Variants in VCL observed in about 807,000 individuals in gnomAD.
VCL encodes the protein epididymis luminal protein 114.
A neutral mutation model predicts 125.7 loss-of-function variants in VCL; 47 were observed. That is an observed-to-expected ratio of 0.37 (90% CI 0.30 to 0.48). The LOEUF (loss-of-function observed/expected upper bound fraction) is 0.48, where lower values mean the gene tolerates loss of function less well. Ranked by LOEUF, VCL falls within the 20% of genes least tolerant of loss-of-function variation. The probability of loss-of-function intolerance (pLI) is 0.99; values close to 1 mark genes in which losing one functional copy is unlikely to be tolerated. For synonymous variants in VCL, 458 were observed against 514.6 expected, an observed-to-expected ratio of 0.89 and a Z score of 1.49; for missense variants, 1,069 against 1,455.5, an observed-to-expected ratio of 0.73 and a Z score of 4.32.
chr10:74,106,840 TC>T (rs1306782905), intron 16 of VCL, among the ~76,000 whole-genome samples: 1 of 152,180 alleles, frequency 6.6e-6, no homozygotes, highest in Non-Finnish European at 1.5e-5. Flanking sequence ...GAGAAGTACT[TC>T]AGGGAATGTA....
At chr10:74,081,557 GA>G (rs1413589918) in intron 6 of VCL, among the ~76,000 whole-genome samples, 1 of 152,198 alleles carries the variant, frequency 6.6e-6, no homozygotes, top group African/African-American at 2.4e-5. Context: ...AAGGAGGATA[GA>G]TGGTCTTTGA....
intron 7 of VCL, 84 bp from the exon 8 acceptor site, chr10:74,083,282 T>TG: frequency 6.4e-7 from 1 of 1,561,140 alleles, no homozygotes; most frequent in Non-Finnish European, 8.8e-7. Flanking sequence ...ATCCATTCCT[T>TG]GGTGAATGAA....
At chr10:74,019,194 C>CTAAG (rs1840614691) in intron 1 of VCL, among the ~76,000 whole-genome samples, 1 of 152,144 alleles carries the variant, frequency 6.6e-6, no homozygotes, top group African/African-American at 2.4e-5. Context: ...GAGGAACATA[C>CTAAG]TAAGCATTGG....
At chr10:74,089,569 C>T (rs1839844009) in intron 9 of VCL, among the ~76,000 whole-genome samples, 1 of 152,170 alleles carries the variant, frequency 6.6e-6, no homozygotes, top group South Asian at 2.1e-4. Context: ...TCTTAATTTA[C>T]AGCACTTCAG....
At chr10:74,018,195 TATATATAA>T (rs1565634816) in intron 1 of VCL, among the ~76,000 whole-genome samples, 1 of 140,552 alleles carries the variant, frequency 7.1e-6, no homozygotes, top group Non-Finnish European at 1.6e-5. Context: ...TATATATATA[TATATATAA>T]ATACATATAT....
chr10:74,060,389 A>G (rs960130594), intron 2 of VCL, among the ~76,000 whole-genome samples: 1 of 152,134 alleles, frequency 6.6e-6, no homozygotes, highest in African/African-American at 2.4e-5. Flanking sequence ...GTGGTGGCTC[A>G]CACCTGTAAT....
chr10:74,095,916 G>A, intron 12 of VCL, 61 bp downstream of exon 12: 1 of 1,578,078 alleles, frequency 6.3e-7, no homozygotes, highest in Non-Finnish European at 8.6e-7. Flanking sequence ...AAAGACGAGG[G>A]AAGGAAGAGA....
intron 1 of VCL, among the ~76,000 whole-genome samples, chr10:74,000,712 C>T (rs1004204501): frequency 7.2e-5 from 11 of 152,160 alleles, no homozygotes; most frequent in Admixed American, 1.3e-4. Context: ...TGTGCCCGGC[C>T]AGGCCTTCGT....
intron 12 of VCL, 124 bp downstream of exon 12, chr10:74,095,979 G>C (rs1839962478): frequency 8.4e-7 from 1 of 1,193,616 alleles, no homozygotes; most frequent in Non-Finnish European, 1.2e-6. Flanking sequence ...AAAAGAGTGT[G>C]ACCAAAGATA....
At chr10:74,008,909 C>G (rs1840365867) in intron 1 of VCL, among the ~76,000 whole-genome samples, 1 of 152,172 alleles carries the variant, frequency 6.6e-6, no homozygotes, top group African/African-American at 2.4e-5. Flanking sequence ...CCTTTCCATA[C>G]AGATAGGACT....
chr10:74,119,275 G>A lies in VCL; in HGVS notation c.*1106G>A, dbSNP rs925811669. ...TTTTTAAATTCAGTCCTAAGAAAGA[G>A]GAGTGCTTGTCCCCTAAGAGTGTTT... On this transcript the variant is annotated 3_prime_UTR_variant, in exon 22 of 22. Coordinates refer to ENST00000211998, the MANE Select transcript of VCL (RefSeq NM_014000.3). The A allele has an allele frequency of 6.6e-6, 1 of 152,582 alleles. No homozygotes were observed. Among genetic ancestry groups the A allele is most frequent in the Non-Finnish European group, 1.5e-5 (1 of 68,044 alleles). 9.5% of individuals were successfully genotyped at this position (152,582 alleles called of 1,614,324 possible).
chr10:74,106,440 A>G (rs1006397705), intron 16 of VCL, among the ~76,000 whole-genome samples: 1 of 152,178 alleles, frequency 6.6e-6, no homozygotes, highest in East Asian at 1.9e-4. Context: ...TAGGCCCTAC[A>G]CCTAAAGAAA....
At chr10:74,077,905 T>C (rs922863856) in intron 6 of VCL, among the ~76,000 whole-genome samples, 6 of 152,234 alleles carry the variant, frequency 3.9e-5, no homozygotes, top group Admixed American at 1.3e-4. Context: ...ACTTCACTTA[T>C]TTTAAAAGTA....
chr10:74,103,729 A>G (rs1483598122), intron 14 of VCL, 91 bp from the exon 15 acceptor site: 1 of 1,209,696 alleles, frequency 8.3e-7, no homozygotes, highest in Non-Finnish European at 1.2e-6. Flanking sequence ...TTACAGTGCC[A>G]TCTGTAGGTA....
At chr10:74,045,308 T>TAG in intron 2 of VCL, among the ~76,000 whole-genome samples, 1 of 151,802 alleles carries the variant, frequency 6.6e-6, no homozygotes, top group South Asian at 2.1e-4. Flanking sequence ...GATAGATAGA[T>TAG]ATGTAGGTTC....
intron 5 of VCL, 99 bp from the exon 6 acceptor site, chr10:74,074,644 A>T: frequency 5.6e-6 from 8 of 1,422,806 alleles, no homozygotes; most frequent in Non-Finnish European, 7.7e-6. Flanking sequence ...TTAGGATCTT[A>T]AAAGCCCAAA....
At chr10:74,115,003 T>A in intron 21 of VCL, 104 bp downstream of exon 21, 1 of 1,076,996 alleles carries the variant, frequency 9.3e-7, no homozygotes, top group Non-Finnish European at 1.4e-6. Flanking sequence ...GAGTATCGAG[T>A]ATTCAGTATG....
chr10:74,023,251 C>G (rs1251951220), intron 1 of VCL, among the ~76,000 whole-genome samples: 1 of 152,162 alleles, frequency 6.6e-6, no homozygotes, highest in Non-Finnish European at 1.5e-5. Context: ...TTTAGATACA[C>G]CAATACTTAC....
chr10:74,050,518 A>T (rs530372426), intron 2 of VCL, among the ~76,000 whole-genome samples: 1 of 152,220 alleles, frequency 6.6e-6, no homozygotes, highest in East Asian at 1.9e-4. Flanking sequence ...CTTTTGACCT[A>T]AAGTAATGAT....
Sources: allele counts gnomAD v4.1 joint callset (sites outside exome capture counted in the v4.1 genomes callset), GRCh38; gene constraint gnomAD v4.1.1; transcripts MANE v1.5; gene names NCBI Gene and HGNC (gene_info 2026-07-23, HGNC 2026-07-21).